The following SEPTIN8 variants were observed in gnomAD, a reference collection of about 807,000 sequenced individuals.
The protein encoded by SEPTIN8 is septin-8.
Under a neutral mutation model 53.1 loss-of-function variants are expected in SEPTIN8, and 22 were observed. That is an observed-to-expected ratio of 0.41 (90% CI 0.30 to 0.59). The LOEUF (loss-of-function observed/expected upper bound fraction) is 0.59. Ranked by LOEUF, SEPTIN8 falls within the 20% of genes least tolerant of loss-of-function variation. The pLI, the probability that SEPTIN8 is intolerant of heterozygous loss-of-function variation, is 0.24. For synonymous variants in SEPTIN8, 228 were observed against 248.4 expected (o/e 0.92, Z 0.77); for missense variants, 536 against 638.7 (o/e 0.84, Z 1.73).
rs1322438830 is a variant in SEPTIN8, at chr5:132,754,546, G to T, written c.1287-2365C>A. The T allele has an allele frequency of 7.0e-6, 5 of 717,340 alleles. No homozygotes were observed. In the African/African-American group the frequency reaches 8.7e-5, roughly 13 times the overall value. 44.4% of individuals were successfully genotyped at this position (717,340 alleles called of 1,614,324 possible). ...CTTGGAGAAAGCAGAGGGTAGACAT[G>T]TGAGTCCTAGGACTGGGGTAAGAGA... On this transcript the variant is annotated intron_variant, in intron 9 of 9. Transcript: ENST00000378719.
chr5:132,766,325 C>G (rs754946623), intron 1 of SEPTIN8, among the ~76,000 whole-genome samples: 7 of 152,078 alleles, frequency 4.6e-5, no homozygotes, highest in Non-Finnish European at 1.0e-4. Flanking sequence ...ACAGAAGGTT[C>G]CGGGTAAGAA....
intron 1 of SEPTIN8, among the ~76,000 whole-genome samples, chr5:132,774,610 G>A (rs911673999): frequency 6.6e-6 from 1 of 152,192 alleles, no homozygotes; most frequent in African/African-American, 2.4e-5. Flanking sequence ...CTGTTGGCCT[G>A]TGGTGTGTAC....
Position 132,750,954 on chromosome 5 carries a change from A to G in SEPTIN8, c.*1062T>C. 1 of 1,614,280 alleles carries G rather than the reference A, an allele frequency of 6.2e-7. No homozygotes were observed. Among genetic ancestry groups the G allele is most frequent in the Non-Finnish European group, 8.5e-7 (1 of 1,180,052 alleles). ...GAGCTGGCTATTCTGGACAGACTGC[A>G]CTGGGACCTCTATATTGGGACGCCG... On this transcript the variant is annotated 3_prime_UTR_variant, in exon 10 of 10. Coordinates refer to ENST00000378719, the MANE Select transcript of SEPTIN8 (RefSeq NM_001098811.2).
At chr5:132,770,708 C>A (rs1203353099) in intron 1 of SEPTIN8, among the ~76,000 whole-genome samples, 1 of 152,172 alleles carries the variant, frequency 6.6e-6, no homozygotes, top group Non-Finnish European at 1.5e-5. Flanking sequence ...TGGGGAGGAG[C>A]CTTCAGGCAG....
rs1466047379 is a variant in SEPTIN8 at position 132,773,480 on chromosome 5, C to T, written c.30+3628G>A. ...AATATATGCTTCCACCTAGCCCATC[C>T]GAGGGCTCAAAACGCCAAGGTATCC... On this transcript the variant is annotated intron_variant, in intron 1 of 9. Transcript: ENST00000378719. This position sits in a 1 kb window ranked among gnomAD's most constrained non-coding sequence, Gnocchi z 4.2. 2.0e-5 allele frequency among the ~76,000 whole-genome samples: 3 copies of T among 152,202 alleles called. No individual in the cohort carries two copies. The highest frequency in any genetic ancestry group is 7.2e-5 in the African/African-American group (3 of 41,458).
chr5:132,756,560 G>A (rs1435075860), intron 9 of SEPTIN8: 6 of 985,338 alleles, frequency 6.1e-6, no homozygotes, highest in Non-Finnish European at 6.0e-6. Flanking sequence ...TTACTAAACA[G>A]TGGCAAGTTT....
chr5:132,777,927 G>T, upstream of SEPTIN8: 1 of 985,490 alleles, frequency 1.0e-6, no homozygotes. The surrounding 1 kb of genome is among the most constrained non-coding windows in gnomAD (Gnocchi z 4.1). Context: ...GACGGTCAAG[G>T]CGTCAGATTG....
intron 4 of SEPTIN8, among the ~76,000 whole-genome samples, chr5:132,763,338 A>G (rs1376606916): frequency 6.6e-6 from 1 of 152,188 alleles, no homozygotes; most frequent in East Asian, 1.9e-4. Context: ...GGAGCTAGAA[A>G]TTAGGAATTG....
chr5:132,779,705 A>G (rs1298802034), upstream of SEPTIN8, among the ~76,000 whole-genome samples: 1 of 152,226 alleles, frequency 6.6e-6, no homozygotes, highest in Non-Finnish European at 1.5e-5. Context: ...ACCCTTCCCT[A>G]ACTTCACAAA....
chr5:132,772,250 G>A (rs937982623), intron 1 of SEPTIN8, among the ~76,000 whole-genome samples: 1 of 152,136 alleles, frequency 6.6e-6, no homozygotes, highest in African/African-American at 2.4e-5. Flanking sequence ...TATTAATTTG[G>A]GATAGTGTGT....
intron 1 of SEPTIN8, among the ~76,000 whole-genome samples, chr5:132,769,592 A>T (rs114672748): frequency 0.042 from 6,336 of 152,228 alleles, 426 homozygotes; most frequent in African/African-American, 0.14. Flanking sequence ...AATCTAATTT[A>T]GTCCACACAT....
rs938525338 is a variant in SEPTIN8, at chr5:132,751,873, C to T, written c.*143G>A. On this transcript the variant is annotated 3_prime_UTR_variant, in exon 10 of 10. Coordinates refer to ENST00000378719, the MANE Select transcript of SEPTIN8 (RefSeq NM_001098811.2). ...AAGGGTTGGGCAACATTTGATGTTC[C>T]CTGATGGAAATTTAAATTGTTTGCA... 1.4e-6 allele frequency: 2 copies of T among 1,418,280 alleles called. No homozygotes were observed. The highest frequency in any genetic ancestry group is 1.9e-6 in the Non-Finnish European group (2 of 1,043,410). 87.9% of individuals were successfully genotyped at this position (1,418,280 alleles called of 1,614,324 possible).
In SEPTIN8 at chr5:132,773,071, G is replaced by A. The variant is rs898778875; in HGVS notation, c.30+4037C>T. On this transcript the variant is annotated intron_variant, in intron 1 of 9. Transcript: ENST00000378719. This position sits in a 1 kb window ranked among gnomAD's most constrained non-coding sequence, Gnocchi z 4.2. The stretch of plus-strand genomic sequence containing the variant: ...GCAGAGCCAAGATGCCCCCTGCCCC[G>A]TCCTCCGCTGCCTCTTCCCAGCCAG... Among the ~76,000 whole-genome samples, 2 of 152,118 alleles carry A rather than the reference G, an allele frequency of 1.3e-5. No individual in the cohort carries two copies. The highest frequency in any genetic ancestry group is 2.9e-5 in the Non-Finnish European group (2 of 68,018).
Position 132,776,558 on chromosome 5 carries a change from T to TGGGGAGCGGGGCAGA in SEPTIN8, c.30+535_30+549dup, listed in dbSNP as rs540945980. ...TGGAGTCGCACCCAGGATTCCGGCG[T>TGGGGAGCGGGGCAGA]GGGGAGCGGGGCAGAGGGGAGCGGG... On this transcript the variant is annotated intron_variant, in intron 1 of 9. Transcript: ENST00000378719. The surrounding 1 kb of genome is among the most constrained non-coding windows in gnomAD (Gnocchi z 4.4). Among the ~76,000 whole-genome samples the TGGGGAGCGGGGCAGA allele has an allele frequency of 6.6e-6, 1 of 151,386 alleles. No homozygotes were observed. Among genetic ancestry groups the TGGGGAGCGGGGCAGA allele is most frequent in the Non-Finnish European group, 1.5e-5 (1 of 67,870 alleles).
At chr5:132,763,643 C>T in intron 4 of SEPTIN8, 63 bp downstream of exon 4, 7 of 1,502,392 alleles carry the variant, frequency 4.7e-6, no homozygotes, top group Non-Finnish European at 6.4e-6. Flanking sequence ...CATGAGGCAG[C>T]CACCACATCG....
intron 1 of SEPTIN8, among the ~76,000 whole-genome samples, chr5:132,769,986 T>TAC (rs1561767337): frequency 3.5e-4 from 6 of 16,904 alleles, no homozygotes; most frequent in African/African-American, 1.9e-3. Flanking sequence ...TATATACATA[T>TAC]ATATATATAT....
chr5:132,757,311 A>C (rs1755431373), intron 9 of SEPTIN8: 1 of 985,274 alleles, frequency 1.0e-6, no homozygotes, highest in African/African-American at 1.7e-5. Context: ...GGAGCCCCTC[A>C]CAGGTAAAGG....
Position 132,751,131 on chromosome 5 carries a change from G to T in SEPTIN8, c.*885C>A. Reference sequence around the variant, plus strand: ...TGCACCACAGTGAGGTGACGCACAAGGCTCATGACATACGGAAGAGTGAAA... The same window carrying T: ...TGCACCACAGTGAGGTGACGCACAATGCTCATGACATACGGAAGAGTGAAA... On this transcript the variant is annotated 3_prime_UTR_variant, in exon 10 of 10. Coordinates refer to ENST00000378719, the MANE Select transcript of SEPTIN8 (RefSeq NM_001098811.2). The T allele has an allele frequency of 1.1e-6, 1 of 936,054 alleles. No individual in the cohort carries two copies. The highest frequency in any genetic ancestry group is 1.6e-6 in the Non-Finnish European group (1 of 630,484). 58.0% of individuals were successfully genotyped at this position (936,054 alleles called of 1,614,324 possible).
At position 132,750,928 on chromosome 5, in the gene SEPTIN8, G is replaced by A. The variant is rs763975535; in HGVS notation, c.*1088C>T. ...ATTCCCCGAATGAGCTGCTGAGGATGGAGCTGGCTATTCTGGACAGACTGC... is the reference window on the plus strand; with the variant it reads ...ATTCCCCGAATGAGCTGCTGAGGATAGAGCTGGCTATTCTGGACAGACTGC... On this transcript the variant is annotated 3_prime_UTR_variant, in exon 10 of 10. Transcript: ENST00000378719. 3.1e-6 allele frequency: 5 copies of A among 1,614,152 alleles called. No individual in the cohort carries two copies. The highest frequency in any genetic ancestry group is 3.3e-5 in the Admixed American group (2 of 60,016).
Sources: allele counts gnomAD v4.1 joint callset (sites outside exome capture counted in the v4.1 genomes callset), GRCh38; gene constraint gnomAD v4.1.1; non-coding constraint Gnocchi (gnomAD v3.1); transcripts MANE v1.5; gene names NCBI Gene and HGNC (gene_info 2026-07-23, HGNC 2026-07-21).